CNTN4: variants seen among roughly 807,000 people sequenced by gnomAD.
The protein encoded by CNTN4 is contactin-4.
A neutral mutation model predicts 122.5 loss-of-function variants in CNTN4; 77 were observed. The ratio of observed to expected loss-of-function variants is 0.63; its 90% CI spans 0.52 to 0.76. The LOEUF (loss-of-function observed/expected upper bound fraction) is 0.76, where lower values mean the gene tolerates loss of function less well. Among genes scored for constraint, CNTN4 ranks in the 30% least tolerant of loss-of-function variants. The pLI, the probability that CNTN4 is intolerant of heterozygous loss-of-function variation, is 0.00. For missense variants in CNTN4, 1,256 were observed against 1,259.1 expected (o/e 1.00, Z 0.04); for synonymous variants, 512 against 447.0 (o/e 1.15, Z -1.83).
At chr3:2,968,034 G>A (rs1692504056) in intron 13 of CNTN4, among the ~76,000 whole-genome samples, 1 of 151,984 alleles carries the variant, frequency 6.6e-6, no homozygotes, top group Admixed American at 6.6e-5. Context: ...AAAAGCCCTT[G>A]CCTTCAGGCT....
chr3:2,443,483 A>G (rs1285143627), intron 3 of CNTN4, among the ~76,000 whole-genome samples: 1 of 152,092 alleles, frequency 6.6e-6, no homozygotes, highest in Non-Finnish European at 1.5e-5. Flanking sequence ...CTGCCCTTTT[A>G]TTAGTTTCTT....
chr3:2,568,723 G>A (rs1222024446), intron 3 of CNTN4, among the ~76,000 whole-genome samples: 1 of 152,076 alleles, frequency 6.6e-6, no homozygotes, highest in African/African-American at 2.4e-5. Context: ...TACTGTCCAC[G>A]ACCCCATTAT....
chr3:2,785,986 G>T (rs566777961), intron 6 of CNTN4, among the ~76,000 whole-genome samples: 1 of 149,870 alleles, frequency 6.7e-6, no homozygotes, highest in Non-Finnish European at 1.5e-5. Flanking sequence ...AGAGGTGTCC[G>T]AACGTTGAGA....
At position 2,714,232 on chromosome 3, in the gene CNTN4, A is replaced by C. The variant is rs149400600; in HGVS notation, c.56-21983A>C. ...TCAGTATTATTAATAAATATTATTC[A>C]GTACTATTTATAAAGCAGGTGAGAC... On this transcript the variant is annotated intron_variant, in intron 4 of 24. Transcript: ENST00000418658. Among the ~76,000 whole-genome samples, 13 of 152,300 alleles carry C rather than the reference A, an allele frequency of 8.5e-5. No individual in the cohort carries two copies. The South Asian group carries it at 2.7e-3, about 32-fold the overall frequency.
At chr3:2,218,249 TAAC>T (rs1189759166) in intron 2 of CNTN4, among the ~76,000 whole-genome samples, 1 of 152,200 alleles carries the variant, frequency 6.6e-6, no homozygotes, top group Non-Finnish European at 1.5e-5. Flanking sequence ...GTACAAGTAG[TAAC>T]AGATGAATTA....
At chr3:2,141,443 C>G (rs897470412) in intron 2 of CNTN4, among the ~76,000 whole-genome samples, 2 of 152,130 alleles carry the variant, frequency 1.3e-5, no homozygotes, top group African/African-American at 4.8e-5. Flanking sequence ...AAAACAGACT[C>G]TCTGATAGAC....
intron 13 of CNTN4, among the ~76,000 whole-genome samples, chr3:2,968,028 G>T (rs1466165081): frequency 6.6e-6 from 1 of 152,054 alleles, no homozygotes; most frequent in Non-Finnish European, 1.5e-5. Context: ...TATCTCAAAA[G>T]CCCTTGCCTT....
chr3:3,023,005 T>C (rs962692483), intron 14 of CNTN4, among the ~76,000 whole-genome samples: 1 of 152,178 alleles, frequency 6.6e-6, no homozygotes, highest in Non-Finnish European at 1.5e-5. Flanking sequence ...TATAGGTTCT[T>C]CCTGATCTCG....
intron 3 of CNTN4, among the ~76,000 whole-genome samples, chr3:2,552,829 G>A (rs2078566248): frequency 6.6e-6 from 1 of 152,192 alleles, no homozygotes; most frequent in South Asian, 2.1e-4. Flanking sequence ...GAAATTGGGA[G>A]ATGTGTTCAG....
rs547121476 is a variant in CNTN4, at chr3:2,645,639, C to G, written c.55+74081C>G. ...TTGCTGTAATTTGTTCAAGATGTTG[C>G]ATTTAAAAATTGGTCCCCAGCATTC... On this transcript the variant is annotated intron_variant, in intron 4 of 24. Transcript: ENST00000418658. Among the ~76,000 whole-genome samples, 3 of 152,228 alleles carry G rather than the reference C, an allele frequency of 2.0e-5. No homozygotes were observed. The South Asian group carries it at 6.2e-4, about 32-fold the overall frequency.
rs915912505 is a variant in CNTN4 at position 2,786,630 on chromosome 3, G to A, written c.359-32856G>A. 2.0e-5 allele frequency among the ~76,000 whole-genome samples: 3 copies of A among 152,146 alleles called. No homozygotes were observed. In the South Asian group the frequency reaches 6.2e-4, roughly 31 times the overall value. On this transcript the variant is annotated intron_variant, in intron 6 of 24. Transcript: ENST00000418658. ...TCCTGATTACCTGAAATAATGAACA[G>A]TGTTGGTAACTATCAAAACCCATCT...
intron 3 of CNTN4, among the ~76,000 whole-genome samples, chr3:2,527,928 T>G (rs1027564010): frequency 5.9e-5 from 9 of 152,168 alleles, no homozygotes; most frequent in Non-Finnish European, 2.9e-5. Context: ...TTCCTTTTGT[T>G]TTCAGATATA....
chr3:2,434,363 A>G (rs1442163520), intron 3 of CNTN4, among the ~76,000 whole-genome samples: 1 of 152,206 alleles, frequency 6.6e-6, no homozygotes, highest in Non-Finnish European at 1.5e-5. Context: ...AAAGAAAGAA[A>G]GACTCTACAA....
At chr3:2,388,939 C>G (rs2046346009) in intron 3 of CNTN4, among the ~76,000 whole-genome samples, 1 of 151,988 alleles carries the variant, frequency 6.6e-6, no homozygotes, top group African/African-American at 2.4e-5. Context: ...GGGTAGATCA[C>G]CTAAGGTCAG....
At chr3:2,329,009 T>C (rs2043596070) in intron 2 of CNTN4, among the ~76,000 whole-genome samples, 1 of 152,132 alleles carries the variant, frequency 6.6e-6, no homozygotes, top group Non-Finnish European at 1.5e-5. Context: ...ATTTTTGATA[T>C]GAAGAAAGTT....
At chr3:2,445,781 G>A (rs2048603035) in intron 3 of CNTN4, among the ~76,000 whole-genome samples, 1 of 152,016 alleles carries the variant, frequency 6.6e-6, no homozygotes, top group African/African-American at 2.4e-5. Flanking sequence ...TTTGCCAGGC[G>A]ACATATTTGA....
chr3:2,301,624 C>T (rs1376060584), intron 2 of CNTN4, among the ~76,000 whole-genome samples: 1 of 152,064 alleles, frequency 6.6e-6, no homozygotes, highest in African/African-American at 2.4e-5. Context: ...GATTATCAGC[C>T]TTGAACAGAA....
chr3:2,607,836 A>G (rs1280809787), intron 4 of CNTN4, among the ~76,000 whole-genome samples: 3 of 152,148 alleles, frequency 2.0e-5, no homozygotes, highest in Non-Finnish European at 4.4e-5. Context: ...TATGTAGGGT[A>G]TCAATTTATG....
intron 6 of CNTN4, among the ~76,000 whole-genome samples, chr3:2,749,101 C>A (rs1410225057): frequency 6.6e-6 from 1 of 152,184 alleles, no homozygotes; most frequent in African/African-American, 2.4e-5. Context: ...CTCCTCTCTG[C>A]TGACCTTCCT....
Sources: allele counts gnomAD v4.1 joint callset (sites outside exome capture counted in the v4.1 genomes callset), GRCh38; gene constraint gnomAD v4.1.1; transcripts MANE v1.5; gene names NCBI Gene and HGNC (gene_info 2026-07-23, HGNC 2026-07-21).